PTPRM: variants seen among roughly 807,000 people sequenced by gnomAD.
The protein encoded by PTPRM is receptor-type tyrosine-protein phosphatase mu.
In PTPRM, 47 loss-of-function variants were observed where a neutral mutation model predicts 186.7. The observed-to-expected ratio is 0.25, with a 90% CI of 0.20 to 0.32. The LOEUF (loss-of-function observed/expected upper bound fraction) is 0.32, where lower values mean the gene tolerates loss of function less well. PTPRM is among the 10% of genes least tolerant of loss of function. PTPRM has a pLI of 1.00. For synonymous variants in PTPRM, 668 were observed against 674.9 expected (o/e 0.99, Z 0.16); for missense variants, 1,494 against 1,865.0 (o/e 0.80, Z 3.66).
At chr18:7,937,451 G>C (rs1009574366) in intron 5 of PTPRM, among the ~76,000 whole-genome samples, 10 of 152,192 alleles carry the variant, frequency 6.6e-5, no homozygotes, top group African/African-American at 2.4e-4. Context: ...GCTGTGCTCA[G>C]TGGCCAGATC....
chr18:7,968,378 C>T (rs540650768), intron 7 of PTPRM, among the ~76,000 whole-genome samples: 9 of 147,454 alleles, frequency 6.1e-5, no homozygotes, highest in Middle Eastern at 3.4e-3. Context: ...ACCATTGAGA[C>T]TAGGAAGAAA....
chr18:8,055,952 G>A (rs1189744285), intron 7 of PTPRM, among the ~76,000 whole-genome samples: 1 of 151,978 alleles, frequency 6.6e-6, no homozygotes, highest in African/African-American at 2.4e-5. Context: ...CCTTTGTTTT[G>A]GATAAGGGAC....
rs1018295562 is a variant in PTPRM, at chr18:7,774,341, G to A, written c.196+70G>A. The A allele has an allele frequency of 7.1e-6, 11 of 1,552,582 alleles. No individual in the cohort carries two copies. In the African/African-American group the frequency reaches 1.5e-4, roughly 21 times the overall value. ...GTCTCAATCATACTATGTGTTCACTGGATATTGGTTAAATGAGTGACGGTG... is the reference window on the plus strand; with the variant it reads ...GTCTCAATCATACTATGTGTTCACTAGATATTGGTTAAATGAGTGACGGTG... On this transcript the variant is annotated intron_variant, in intron 2 of 32. Transcript: ENST00000580170.
chr18:8,083,564 T>C (rs2090267242), intron 9 of PTPRM, among the ~76,000 whole-genome samples: 1 of 152,150 alleles, frequency 6.6e-6, no homozygotes, highest in Non-Finnish European at 1.5e-5. Flanking sequence ...CCCTATTCGT[T>C]TCTTCCATGG....
intron 14 of PTPRM, among the ~76,000 whole-genome samples, chr18:8,160,615 C>T (rs1025107190): frequency 2.0e-5 from 3 of 152,264 alleles, no homozygotes; most frequent in Admixed American, 1.3e-4. Context: ...TCTTCTTATA[C>T]TGTGGGCATC....
At chr18:7,974,364 G>A (rs1177503294) in intron 7 of PTPRM, among the ~76,000 whole-genome samples, 1 of 152,170 alleles carries the variant, frequency 6.6e-6, no homozygotes, top group African/African-American at 2.4e-5. Context: ...GGTGTGCAGT[G>A]TGTGCACACA....
At chr18:7,983,979 A>C (rs757037525) in intron 7 of PTPRM, among the ~76,000 whole-genome samples, 8 of 152,310 alleles carry the variant, frequency 5.3e-5, no homozygotes, top group African/African-American at 1.7e-4. Context: ...TAGCTGATCA[A>C]TTTGCCTTGA....
intron 7 of PTPRM, among the ~76,000 whole-genome samples, chr18:7,964,045 A>T (rs927997821): frequency 6.6e-6 from 1 of 152,166 alleles, no homozygotes; most frequent in African/African-American, 2.4e-5. Flanking sequence ...TAGTAAGAAA[A>T]AAAATTATTG....
At chr18:7,692,391 A>T (rs2039751881) in intron 1 of PTPRM, among the ~76,000 whole-genome samples, 1 of 151,502 alleles carries the variant, frequency 6.6e-6, no homozygotes, top group South Asian at 2.1e-4. Context: ...AAGGAGGTGG[A>T]GGATGGCTAG....
chr18:7,693,831 C>A (rs1322662347), intron 1 of PTPRM, among the ~76,000 whole-genome samples: 1 of 152,048 alleles, frequency 6.6e-6, no homozygotes, highest in African/African-American at 2.4e-5. Context: ...GATGCAGACA[C>A]AGGGTGGGGT....
intron 2 of PTPRM, among the ~76,000 whole-genome samples, chr18:7,871,100 C>A (rs2047962828): frequency 6.6e-6 from 1 of 152,202 alleles, no homozygotes; most frequent in Non-Finnish European, 1.5e-5. Flanking sequence ...AGCCCAGTTG[C>A]TTTCCTAGAA....
At chr18:8,325,008 T>G (rs1341546297) in intron 22 of PTPRM, among the ~76,000 whole-genome samples, 1 of 152,178 alleles carries the variant, frequency 6.6e-6, no homozygotes, top group Non-Finnish European at 1.5e-5. Context: ...CGCTTAATCA[T>G]TAGGAACACA....
intron 1 of PTPRM, among the ~76,000 whole-genome samples, chr18:7,772,673 C>T (rs2042385029): frequency 6.6e-6 from 1 of 152,012 alleles, no homozygotes; most frequent in African/African-American, 2.4e-5. Context: ...GGAAGTTGTA[C>T]AGTTGACCTA....
At chr18:7,585,923 G>C (rs1349613863) in intron 1 of PTPRM, among the ~76,000 whole-genome samples, 1 of 152,192 alleles carries the variant, frequency 6.6e-6, no homozygotes, top group Non-Finnish European at 1.5e-5. Context: ...GTTCTTGTGT[G>C]TAAATGTGTA....
chr18:7,915,501 T>C (rs2050504863), intron 4 of PTPRM, among the ~76,000 whole-genome samples: 1 of 152,202 alleles, frequency 6.6e-6, no homozygotes, highest in African/African-American at 2.4e-5. Flanking sequence ...CATAGAGCTC[T>C]TTTTCTTGGG....
chr18:7,612,997 G>C (rs1175729285), intron 1 of PTPRM, among the ~76,000 whole-genome samples: 1 of 152,136 alleles, frequency 6.6e-6, no homozygotes. Context: ...AGGACCTGGA[G>C]GGTAACAGAA....
chr18:7,723,500 T>C (rs1355832412), intron 1 of PTPRM, among the ~76,000 whole-genome samples: 1 of 152,138 alleles, frequency 6.6e-6, no homozygotes, highest in Non-Finnish European at 1.5e-5. Flanking sequence ...TGGAGAGAGA[T>C]TTGGCAGTGT....
intron 14 of PTPRM, among the ~76,000 whole-genome samples, chr18:8,176,954 T>C (rs1601022526): frequency 6.6e-6 from 1 of 152,242 alleles, no homozygotes; most frequent in East Asian, 1.9e-4. Context: ...TCTGCTTCTT[T>C]TCTATCTTGT....
At chr18:7,934,740 T>A (rs2051697410) in intron 5 of PTPRM, among the ~76,000 whole-genome samples, 1 of 152,210 alleles carries the variant, frequency 6.6e-6, no homozygotes, top group South Asian at 2.1e-4. Context: ...AAGAAGCGGC[T>A]GAGGCTTCTT....
Sources: allele counts gnomAD v4.1 joint callset (sites outside exome capture counted in the v4.1 genomes callset), GRCh38; gene constraint gnomAD v4.1.1; transcripts MANE v1.5; gene names NCBI Gene and HGNC (gene_info 2026-07-23, HGNC 2026-07-21).